PALD1: variants seen among roughly 807,000 people sequenced by gnomAD.
The protein encoded by PALD1 is phosphatase domain containing paladin 1, also known as paladin.
PALD1 carries 57 observed loss-of-function variants against 96.0 expected under a neutral mutation model. The observed-to-expected ratio is 0.59, with a 90% CI of 0.48 to 0.74. The LOEUF (loss-of-function observed/expected upper bound fraction) is 0.74, where lower values mean the gene tolerates loss of function less well. PALD1 is among the 30% of genes least tolerant of loss of function. The probability of loss-of-function intolerance (pLI) is 0.00; values close to 1 mark genes in which losing one functional copy is unlikely to be tolerated. For missense variants in PALD1, 1,063 were observed against 1,143.7 expected, an observed-to-expected ratio of 0.93 and a Z score of 1.02; for synonymous variants, 464 against 473.6, an observed-to-expected ratio of 0.98 and a Z score of 0.26.
At chr10:70,556,852 G>T (rs144057822) in intron 18 of PALD1, among the ~76,000 whole-genome samples, 125 of 152,272 alleles carry the variant, frequency 8.2e-4, no homozygotes, top group African/African-American at 2.9e-3. Context: ...GGTGCCTGCT[G>T]CTCTCATTGT....
At chr10:70,553,967 CCCTGAGGGAACAG>C (rs765135454) in intron 18 of PALD1, among the ~76,000 whole-genome samples, 17 of 152,236 alleles carry the variant, frequency 1.1e-4, no homozygotes, top group Admixed American at 2.0e-4. Flanking sequence ...GACAGACCTT[CCCTGAGGGAACAG>C]CCTCGACCCT....
At chr10:70,472,651 T>G in the PALD1 span, among the ~76,000 whole-genome samples, 2 of 152,150 alleles carry the variant, frequency 1.3e-5, no homozygotes, top group East Asian at 3.9e-4. Flanking sequence ...GCTGCAGGGT[T>G]TGGCAGCCCC....
chr10:70,561,734 C>G (rs1234839218), intron 18 of PALD1, among the ~76,000 whole-genome samples: 1 of 152,128 alleles, frequency 6.6e-6, no homozygotes, highest in Admixed American at 6.5e-5. Flanking sequence ...TACCCCTCCC[C>G]TACCGCCATG....
At chr10:70,550,663 A>G (rs1471641998) in intron 18 of PALD1, among the ~76,000 whole-genome samples, 1 of 152,166 alleles carries the variant, frequency 6.6e-6, no homozygotes, top group East Asian at 1.9e-4. Context: ...GCAGCCACTG[A>G]TCTTTCTGCC....
chr10:70,549,870 G>A (rs916367542), intron 18 of PALD1, among the ~76,000 whole-genome samples: 19 of 152,150 alleles, frequency 1.2e-4, no homozygotes. Context: ...GTTTTTTAAT[G>A]AGAGAGGAAG....
At chr10:70,509,791 T>G (rs1871593) in intron 1 of PALD1, among the ~76,000 whole-genome samples, 136,542 of 152,224 alleles carry the variant, frequency 0.9, 61,593 homozygotes, top group East Asian at 1. Flanking sequence ...AGGGCACAGG[T>G]TGGGTCTGGG....
intron 17 of PALD1, 64 bp from the exon 18 acceptor site, chr10:70,547,242 C>T (rs2132413402): frequency 1.3e-6 from 2 of 1,507,984 alleles, no homozygotes; most frequent in East Asian, 2.3e-5. Flanking sequence ...GGGTGCAAGC[C>T]TGGTGCTTGG....
the PALD1 span, among the ~76,000 whole-genome samples, chr10:70,463,925 G>C: frequency 6.6e-6 from 1 of 152,184 alleles, no homozygotes. Flanking sequence ...AAAGAAGTGA[G>C]GTTGAACTTA....
chr10:70,566,450 A>G, intron 19 of PALD1, 131 bp from the exon 20 acceptor site: 1 of 674,550 alleles, frequency 1.5e-6, no homozygotes, highest in Non-Finnish European at 2.6e-6. Flanking sequence ...CAGAGAAGTT[A>G]ACAGAAGTCA....
chr10:70,467,854 C>T, the PALD1 span, among the ~76,000 whole-genome samples: 12 of 151,986 alleles, frequency 7.9e-5, no homozygotes, highest in Non-Finnish European at 1.3e-4. Context: ...CTCCTCACTA[C>T]GAGCCCCCCA....
intron 4 of PALD1, 80 bp from the exon 5 acceptor site, chr10:70,531,210 A>T (rs1846981755): frequency 1.7e-6 from 2 of 1,195,492 alleles, no homozygotes; most frequent in Non-Finnish European, 2.4e-6. Context: ...GCTTGGGCAG[A>T]GGCCCTGAGG....
At position 70,503,846 on chromosome 10, in the gene PALD1, A is replaced by G. The variant is rs188747113; in HGVS notation, c.-29-22077A>G. On this transcript the variant is annotated intron_variant, in intron 1 of 19. Coordinates refer to ENST00000263563, the MANE Select transcript of PALD1 (RefSeq NM_014431.3). ...TTCTTTTCTGTCCCAAGATTATACA[A>G]ATATTTACTTACATTCTCTTCTTTC... Among the ~76,000 whole-genome samples the G allele has an allele frequency of 2.6e-3, 390 of 152,302 alleles. 3 individuals carry two copies. The highest frequency in any genetic ancestry group is 8.9e-3 in the African/African-American group (372 of 41,572).
chr10:70,516,180 G>T (rs1286909107), intron 1 of PALD1, among the ~76,000 whole-genome samples: 2 of 152,134 alleles, frequency 1.3e-5, no homozygotes, highest in Non-Finnish European at 2.9e-5. Flanking sequence ...GCCCAGGCTG[G>T]AGTGCAGTGG....
chr10:70,539,113 TA>T lies in PALD1; in HGVS notation c.1592del (p.Tyr531SerfsTer2). 6.2e-7 allele frequency: 1 copy of T among 1,613,894 alleles called. No individual in the cohort carries two copies. The highest frequency in any genetic ancestry group is 8.5e-7 in the Non-Finnish European group (1 of 1,179,894). On this transcript the variant is annotated frameshift_variant, in exon 14 of 20. Coordinates refer to ENST00000263563, the MANE Select transcript of PALD1 (RefSeq NM_014431.3). LOFTEE classifies it high-confidence loss of function. This position sits in a 1 kb window ranked among gnomAD's most constrained non-coding sequence, Gnocchi z 4.5. ...CCAGGCCCTGGGGAGCATCCTGGCC[TA>T]CCTGACGGACGCCAAGAGGAGGCTG... ...SAKALGSILA[Y>X]LTDAKRRLRK... is the part of the protein sequence containing the mutation.
intron 1 of PALD1, among the ~76,000 whole-genome samples, chr10:70,487,246 G>A (rs943425941): frequency 6.1e-5 from 9 of 147,480 alleles, no homozygotes; most frequent in Admixed American, 5.6e-4. Context: ...TCATTCTCCT[G>A]CCTCATCCTC....
intron 1 of PALD1, among the ~76,000 whole-genome samples, chr10:70,489,903 G>GT (rs888818979): frequency 6.6e-6 from 1 of 152,044 alleles, no homozygotes; most frequent in Non-Finnish European, 1.5e-5. Flanking sequence ...CAACATATGG[G>GT]TTTTTTGTAG....
At chr10:70,478,335 C>T (rs1845861707), upstream of PALD1, among the ~76,000 whole-genome samples, 2 of 152,170 alleles carry the variant, frequency 1.3e-5, no homozygotes, top group Non-Finnish European at 2.9e-5. Context: ...GGATGCTGGG[C>T]TCGGTCCCGC....
chr10:70,526,177 T>G (rs1353098292), intron 2 of PALD1, 41 bp downstream of exon 2: 2 of 1,566,410 alleles, frequency 1.3e-6, no homozygotes. Context: ...CTGGGAGACA[T>G]GATGGGCGGG....
intron 18 of PALD1, among the ~76,000 whole-genome samples, chr10:70,558,042 A>G (rs1847649109): frequency 1.4e-5 from 2 of 145,998 alleles, no homozygotes; most frequent in South Asian, 2.2e-4. Flanking sequence ...GGCTCAAGTC[A>G]TCCTCCCACC....
Sources: allele counts gnomAD v4.1 joint callset (sites outside exome capture counted in the v4.1 genomes callset), GRCh38; gene constraint gnomAD v4.1.1; non-coding constraint Gnocchi (gnomAD v3.1); transcripts MANE v1.5; gene names NCBI Gene and HGNC (gene_info 2026-07-23, HGNC 2026-07-21).